LUZP2: variants seen among roughly 807,000 people sequenced by gnomAD.
LUZP2 encodes the protein leucine zipper protein 2.
LUZP2 carries 52 observed loss-of-function variants against 51.6 expected under a neutral mutation model. The ratio of observed to expected loss-of-function variants is 1.01; its 90% CI spans 0.81 to 1.27. LUZP2 has a LOEUF of 1.27. Ranked by LOEUF, LUZP2 falls within the 50% of genes most tolerant of loss-of-function variation. The pLI is 0.00. For synonymous variants in LUZP2, 154 were observed against 137.3 expected (o/e 1.12, Z -0.85); for missense variants, 436 against 395.4 (o/e 1.10, Z -0.87).
At chr11:24,782,954 C>T (rs991211092) in intron 5 of LUZP2, among the ~76,000 whole-genome samples, 5 of 151,980 alleles carry the variant, frequency 3.3e-5, no homozygotes, top group African/African-American at 1.2e-4. Context: ...ATATTAGGGG[C>T]TTTCCAAGTT....
chr11:24,764,879 T>A (rs976500630), intron 5 of LUZP2, among the ~76,000 whole-genome samples: 22 of 152,116 alleles, frequency 1.4e-4, no homozygotes, highest in African/African-American at 5.1e-4. Context: ...AGTAACAAAA[T>A]ACTTTGTCTT....
In LUZP2 at chr11:24,588,643, C is replaced by CTTTA. The variant is rs566265164; in HGVS notation, c.62+91338_62+91339insTTTA. ...AACAAATAAAGGAATAATTTTTTCC[C>CTTTA]AAAAAGATTATATTTTAAAATAATA... On this transcript the variant is annotated intron_variant, in intron 1 of 11. Coordinates refer to ENST00000336930, the MANE Select transcript of LUZP2 (RefSeq NM_001009909.4). 4.0e-5 allele frequency among the ~76,000 whole-genome samples: 6 copies of CTTTA among 151,810 alleles called. No individual in the cohort carries two copies. The South Asian group carries it at 8.3e-4, about 21-fold the overall frequency.
chr11:24,844,583 A>G (rs778660164), intron 5 of LUZP2, among the ~76,000 whole-genome samples: 3 of 152,142 alleles, frequency 2.0e-5, no homozygotes, highest in Non-Finnish European at 2.9e-5. Context: ...CCCCAAGACA[A>G]TGAGAAAAAT....
rs117795162 is a variant in LUZP2, at chr11:24,790,722, G to A, written c.396+27414G>A. Among the ~76,000 whole-genome samples the A allele has an allele frequency of 7.2e-3, 1,091 of 152,048 alleles. 12 individuals carry two copies. Among genetic ancestry groups the A allele is most frequent in the Middle Eastern group, 0.058 (17 of 292 alleles). ...TCACCGTGTTGGCTAGGTTAGTCTC[G>A]TACTCCTGACCTCAGGTGATCCACC... On this transcript the variant is annotated intron_variant, in intron 5 of 11. Coordinates refer to ENST00000336930, the MANE Select transcript of LUZP2 (RefSeq NM_001009909.4).
intron 10 of LUZP2, among the ~76,000 whole-genome samples, chr11:25,073,695 T>C (rs75312427): frequency 1.3e-5 from 2 of 152,308 alleles, no homozygotes; most frequent in East Asian, 3.9e-4. Context: ...TTTCCTTCTC[T>C]TCTCTCTACC....
intron 1 of LUZP2, among the ~76,000 whole-genome samples, chr11:24,524,140 A>AT (rs1414638239): frequency 1.9e-4 from 29 of 151,766 alleles, no homozygotes; most frequent in Admixed American, 1.9e-3. Flanking sequence ...CAGTTTTATC[A>AT]TTTTCTATTA....
At chr11:24,551,173 T>G (rs1246915510) in intron 1 of LUZP2, among the ~76,000 whole-genome samples, 1 of 152,036 alleles carries the variant, frequency 6.6e-6, no homozygotes, top group African/African-American at 2.4e-5. Context: ...AACTTTTAGA[T>G]AAAATAAAAG....
chr11:24,965,054 T>G (rs1387727237), intron 7 of LUZP2, among the ~76,000 whole-genome samples: 3 of 151,522 alleles, frequency 2.0e-5, no homozygotes, highest in Non-Finnish European at 1.5e-5. Context: ...GTAAAGTAGC[T>G]GAGAAGTCCC....
intron 1 of LUZP2, among the ~76,000 whole-genome samples, chr11:24,634,975 C>T (rs1855031831): frequency 6.6e-6 from 1 of 152,076 alleles, no homozygotes; most frequent in South Asian, 2.1e-4. Flanking sequence ...CATTTGATCT[C>T]TGTTAGTCAT....
intron 9 of LUZP2, among the ~76,000 whole-genome samples, chr11:24,987,495 G>A (rs894201637): frequency 2.6e-5 from 4 of 151,794 alleles, no homozygotes; most frequent in African/African-American, 4.8e-5. Context: ...CATATGTCAC[G>A]CCATCCCAGG....
intron 1 of LUZP2, among the ~76,000 whole-genome samples, chr11:24,595,693 C>A (rs1188496648): frequency 2.6e-5 from 4 of 152,128 alleles, no homozygotes; most frequent in Non-Finnish European, 5.9e-5. Context: ...AAGCTAGGAT[C>A]AGAACATTCC....
At chr11:24,963,062 G>C (rs896012575) in intron 7 of LUZP2, among the ~76,000 whole-genome samples, 1 of 152,174 alleles carries the variant, frequency 6.6e-6, no homozygotes, top group African/African-American at 2.4e-5. Context: ...CAGCAGCGGT[G>C]TTTGCAGAAC....
chr11:24,664,682 C>T (rs766684404), intron 1 of LUZP2, among the ~76,000 whole-genome samples: 21 of 152,186 alleles, frequency 1.4e-4, no homozygotes, highest in African/African-American at 2.9e-4. Context: ...CAGGGGCCAA[C>T]ATACAGCTTA....
chr11:24,759,036 C>T (rs900568585), intron 4 of LUZP2, among the ~76,000 whole-genome samples: 5 of 152,020 alleles, frequency 3.3e-5, no homozygotes, highest in Admixed American at 6.6e-5. Context: ...TATTCCTAAG[C>T]AAATAATGAA....
intron 4 of LUZP2, among the ~76,000 whole-genome samples, chr11:24,740,660 T>A (rs1173943916): frequency 6.6e-6 from 1 of 152,142 alleles, no homozygotes; most frequent in East Asian, 1.9e-4. Flanking sequence ...GTTATTCACA[T>A]TAAATTAATG....
At chr11:24,800,312 C>T (rs369362277) in intron 5 of LUZP2, among the ~76,000 whole-genome samples, 14 of 152,114 alleles carry the variant, frequency 9.2e-5, no homozygotes, top group East Asian at 3.9e-4. Context: ...TGCCTTGCCA[C>T]GCTAGATTGT....
intron 1 of LUZP2, among the ~76,000 whole-genome samples, chr11:24,593,910 C>G (rs557121084): frequency 1.3e-5 from 2 of 152,124 alleles, no homozygotes; most frequent in African/African-American, 2.4e-5. Context: ...GTTGTGGCCA[C>G]CTTTGGAAGA....
chr11:24,750,705 T>C (rs1379394527), intron 4 of LUZP2, among the ~76,000 whole-genome samples: 2 of 152,138 alleles, frequency 1.3e-5, no homozygotes, highest in Admixed American at 6.6e-5. Context: ...CCCTCAACTT[T>C]CTCTTCTCTC....
intron 1 of LUZP2, among the ~76,000 whole-genome samples, chr11:24,648,905 C>T (rs958312676): frequency 2.0e-5 from 3 of 151,958 alleles, no homozygotes; most frequent in African/African-American, 7.2e-5. Context: ...CTAATATTTT[C>T]TTTAATGACC....
Sources: allele counts gnomAD v4.1 joint callset (sites outside exome capture counted in the v4.1 genomes callset), GRCh38; gene constraint gnomAD v4.1.1; transcripts MANE v1.5; gene names NCBI Gene and HGNC (gene_info 2026-07-23, HGNC 2026-07-21).